The following PLEKHA1 variants were observed in gnomAD, a reference collection of about 807,000 sequenced individuals.
The protein encoded by PLEKHA1 is pleckstrin homology domain-containing family A member 1.
PLEKHA1 carries 34 observed loss-of-function variants against 52.0 expected under a neutral mutation model. The ratio of observed to expected loss-of-function variants is 0.65; its 90% CI spans 0.50 to 0.87. PLEKHA1 has a LOEUF of 0.87. PLEKHA1 is among the 40% of genes least tolerant of loss of function. The pLI, the probability that PLEKHA1 is intolerant of heterozygous loss-of-function variation, is 0.00. For synonymous variants in PLEKHA1, 163 were observed against 170.7 expected, an observed-to-expected ratio of 0.95 and a Z score of 0.35; for missense variants, 497 against 504.2, an observed-to-expected ratio of 0.99 and a Z score of 0.14.
downstream of PLEKHA1, chr10:122,434,653 G>T (rs2097431726): frequency 6.6e-6 from 1 of 150,458 alleles, no homozygotes; most frequent in African/African-American, 2.5e-5. Flanking sequence ...GTGCCATGCT[G>T]GTGTGCTGCA....
chr10:122,377,936 A>AT (rs1404668784), intron 1 of PLEKHA1, among the ~76,000 whole-genome samples: 6 of 152,184 alleles, frequency 3.9e-5, no homozygotes, highest in Non-Finnish European at 7.3e-5. Context: ...GTCATTTAAG[A>AT]TTTTTTTAAG....
At position 122,412,939 on chromosome 10, in the gene PLEKHA1, C is replaced by T; in HGVS notation, c.362C>T (p.Ser121Leu). The change falls in exon 6 of 12, where the codon TCA (serine) becomes TTA (leucine). Residue 121 changes from serine (S) to leucine (L), a missense_variant. Coordinates refer to ENST00000368990, the MANE Select transcript of PLEKHA1 (RefSeq NM_001001974.4). ...TTTCAGGTACCAAAGCAGTCAGACT[C>T]ACAGCCTAATTCTGATAACCTAAGT... ...IKITVPKQSDSQPNSDNLSRH... is the reference protein window; with the variant it reads ...IKITVPKQSDLQPNSDNLSRH... The T allele has an allele frequency of 6.2e-7, 1 of 1,613,264 alleles. No individual in the cohort carries two copies. Among genetic ancestry groups the T allele is most frequent in the African/African-American group, 1.3e-5 (1 of 74,990 alleles).
chr10:122,397,846 A>G lies in PLEKHA1; in HGVS notation c.142-72A>G, dbSNP rs2096871915. On this transcript the variant is annotated intron_variant, in intron 2 of 11. Transcript: ENST00000368990. ...TGAGTTTTTAACTTTTCAGAAGTAT[A>G]TGTGGAACATTATATTATAAAATGA... 8 of 1,189,218 alleles carry G rather than the reference A, an allele frequency of 6.7e-6. No homozygotes were observed. In the Admixed American group the frequency reaches 1.0e-4, roughly 15 times the overall value. 73.7% of individuals were successfully genotyped at this position (1,189,218 alleles called of 1,614,324 possible). A position where few individuals can be genotyped will look rare whatever the true frequency, so the allele number is the denominator to read the frequency against.
downstream of PLEKHA1, chr10:122,435,479 T>C (rs2097434519): frequency 1.3e-5 from 2 of 152,228 alleles, no homozygotes; most frequent in Admixed American, 6.5e-5. Context: ...GGAGTCTGTT[T>C]ATTGCCTCCA....
rs28367093 is a variant in PLEKHA1, at chr10:122,374,852, T to G, written c.-21+46T>G. ...CGCGGCCGCGCTGGAGCAGGGGTGG[T>G]GGACGGGGCCAGGCGCGAGGTGGCG... On this transcript the variant is annotated intron_variant, in intron 1 of 11. Coordinates refer to ENST00000368990, the MANE Select transcript of PLEKHA1 (RefSeq NM_001001974.4). The G allele has an allele frequency of 0.99, 151,099 of 152,978 alleles. 74,703 individuals carry two copies. The highest frequency in any genetic ancestry group is 1 in the Middle Eastern group (292 of 292). The allele number at this position is 152,978 out of a possible 1,614,324, so 9.5% of individuals were successfully genotyped here. A position where few individuals can be genotyped will look rare whatever the true frequency, so the allele number is the denominator to read the frequency against.
intron 1 of PLEKHA1, among the ~76,000 whole-genome samples, chr10:122,375,389 G>A (rs1450502827): frequency 6.6e-6 from 1 of 152,256 alleles, no homozygotes; most frequent in African/African-American, 2.4e-5. Flanking sequence ...GAAGTCGGGC[G>A]GTGTCCGCGA....
At chr10:122,416,040 G>A in intron 7 of PLEKHA1, 38 bp downstream of exon 7, 1 of 1,558,464 alleles carries the variant, frequency 6.4e-7, no homozygotes, top group Non-Finnish European at 8.7e-7. Context: ...TAATGAAAAA[G>A]GATTACGTTC....
chr10:122,378,185 C>T (rs755302063), intron 1 of PLEKHA1, among the ~76,000 whole-genome samples: 4 of 152,142 alleles, frequency 2.6e-5, no homozygotes, highest in South Asian at 2.1e-4. Flanking sequence ...GCATCTTACC[C>T]GGTACAGTAA....
intron 6 of PLEKHA1, among the ~76,000 whole-genome samples, chr10:122,414,459 C>A (rs562967600): frequency 6.6e-6 from 1 of 151,884 alleles, no homozygotes; most frequent in South Asian, 2.1e-4. Flanking sequence ...TGGACCTCAT[C>A]AAAATAAAAA....
chr10:122,410,947 G>A (rs566430729), intron 5 of PLEKHA1, among the ~76,000 whole-genome samples: 9 of 152,174 alleles, frequency 5.9e-5, no homozygotes, highest in African/African-American at 1.7e-4. Flanking sequence ...TTCTCAATGA[G>A]ATAACTGGGC....
chr10:122,419,309 G>C (rs2097223413), intron 8 of PLEKHA1: 1 of 152,180 alleles, frequency 6.6e-6, no homozygotes, highest in South Asian at 2.1e-4. Context: ...CCTGGCACTT[G>C]ATAGACAATA....
intron 2 of PLEKHA1, among the ~76,000 whole-genome samples, chr10:122,396,079 ATT>A (rs1282960859): frequency 8.8e-6 from 1 of 114,012 alleles, no homozygotes; most frequent in Admixed American, 9.9e-5. Context: ...TATTTTGAAT[ATT>A]GTTTTTCTCT....
chr10:122,375,423 G>C (rs1008837544), intron 1 of PLEKHA1, among the ~76,000 whole-genome samples: 6 of 152,266 alleles, frequency 3.9e-5, no homozygotes, highest in African/African-American at 1.4e-4. Context: ...CTTCGGGGCA[G>C]GTGGCCAGAG....
Position 122,430,755 on chromosome 10 carries a change from G to T in PLEKHA1, c.*817G>T, listed in dbSNP as rs1435829844. The T allele has an allele frequency of 6.6e-6, 1 of 152,176 alleles. No homozygotes were observed. The highest frequency in any genetic ancestry group is 2.4e-5 in the African/African-American group (1 of 41,432). 9.4% of individuals were successfully genotyped at this position (152,176 alleles called of 1,614,324 possible). On this transcript the variant is annotated 3_prime_UTR_variant, in exon 12 of 12. Transcript: ENST00000368990. ...TTGGTGAAAGACCTCAAGTTTATATGTAAAGACATAACTGCCCTTAGTCAT... is the reference window on the plus strand; with the variant it reads ...TTGGTGAAAGACCTCAAGTTTATATTTAAAGACATAACTGCCCTTAGTCAT...
chr10:122,408,595 A>G (rs1485006844), intron 5 of PLEKHA1, among the ~76,000 whole-genome samples: 6 of 152,146 alleles, frequency 3.9e-5, no homozygotes, highest in African/African-American at 1.4e-4. Flanking sequence ...CATTAAAGTG[A>G]GTATAGATTT....
intron 1 of PLEKHA1, among the ~76,000 whole-genome samples, chr10:122,378,605 A>G (rs1772317653): frequency 6.6e-6 from 1 of 151,926 alleles, no homozygotes. Context: ...GCGTGGTGGC[A>G]TGTGCCTGTA....
At position 122,429,644 on chromosome 10, in the gene PLEKHA1, A is replaced by G; in HGVS notation, c.921A>G (p.Ser307=). ...TGCAGGAGCATCCCCCCGGTCCTTC[A>G]GAATCCAAACACGCTTTCCGTCCTA... is the stretch of plus-strand genomic sequence containing the variant. ...SASSEHPPGP[S]ESKHAFRPTN... Residue 307 remains serine, a synonymous_variant, in exon 12 of 12, where the codon TCA becomes TCG. Coordinates refer to ENST00000368990, the MANE Select transcript of PLEKHA1 (RefSeq NM_001001974.4). The G allele has an allele frequency of 1.2e-6, 2 of 1,614,018 alleles. No homozygotes were observed. The highest frequency in any genetic ancestry group is 1.7e-6 in the Non-Finnish European group (2 of 1,179,922).
intron 1 of PLEKHA1, among the ~76,000 whole-genome samples, chr10:122,381,698 G>A (rs1402266139): frequency 3.3e-5 from 5 of 152,058 alleles, no homozygotes; most frequent in African/African-American, 1.2e-4. Flanking sequence ...ATGCAAGAAC[G>A]GACTACCACA....
chr10:122,401,737 CAGAG>C (rs2134283090), intron 4 of PLEKHA1, among the ~76,000 whole-genome samples: 1 of 152,240 alleles, frequency 6.6e-6, no homozygotes, highest in East Asian at 1.9e-4. Flanking sequence ...GATACCCTCT[CAGAG>C]AGTATGTTAG....
Sources: gnomAD v4.1 joint callset for allele counts (sites outside exome capture counted in the v4.1 genomes callset) on GRCh38, gnomAD v4.1.1 for gene constraint, MANE v1.5 for transcripts, NCBI Gene and HGNC (gene_info 2026-07-23, HGNC 2026-07-21) for gene names.